CHST9: variants seen among roughly 807,000 people sequenced by gnomAD.
CHST9 encodes the protein carbohydrate sulfotransferase 9.
In CHST9, 41 loss-of-function variants were observed where a neutral mutation model predicts 44.4. That is an observed-to-expected ratio of 0.92 (90% CI 0.72 to 1.20). CHST9 has a LOEUF of 1.20. Among genes scored for constraint, CHST9 ranks in the 50% most tolerant of loss-of-function variants. The pLI is 0.00. For missense variants in CHST9, 504 were observed against 516.5 expected (o/e 0.98, Z 0.23); for synonymous variants, 171 against 178.4 (o/e 0.96, Z 0.33).
rs2055474250 is a variant in CHST9, at chr18:26,913,807, GC to G, written c.*2451del. ...AGGTGAATGTGAGCTGGTCTGCAAG[GC>G]CAAATAAGTCAGGAGAGAAAAATGG... On this transcript the variant is annotated 3_prime_UTR_variant, in exon 6 of 6. Transcript: ENST00000618847. 6.6e-6 allele frequency: 1 copy of G among 152,152 alleles called. No homozygotes were observed. The highest frequency in any genetic ancestry group is 1.5e-5 in the Non-Finnish European group (1 of 68,022). 9.4% of individuals were successfully genotyped at this position (152,152 alleles called of 1,614,324 possible). A position where few individuals can be genotyped will look rare whatever the true frequency, so the allele number is the denominator to read the frequency against.
chr18:27,142,593 G>A (rs2058576783), intron 2 of CHST9, 96 bp downstream of exon 2: 2 of 853,056 alleles, frequency 2.3e-6, no homozygotes, highest in Non-Finnish European at 3.2e-6. Flanking sequence ...TGAAAATATT[G>A]TGATTCTCAA....
chr18:27,123,243 T>A (rs1210476546), intron 2 of CHST9, among the ~76,000 whole-genome samples: 1 of 152,180 alleles, frequency 6.6e-6, no homozygotes, highest in African/African-American at 2.4e-5. Context: ...GAGATGGAGC[T>A]AAGCTGAAAC....
chr18:27,019,419 T>A (rs1471492715), intron 4 of CHST9, among the ~76,000 whole-genome samples: 1 of 152,180 alleles, frequency 6.6e-6, no homozygotes, highest in Non-Finnish European at 1.5e-5. Context: ...ATATTCTTCA[T>A]GAAATTCCAA....
chr18:27,053,139 A>AGAG (rs199883206), intron 2 of CHST9, among the ~76,000 whole-genome samples: 5,188 of 112,032 alleles, frequency 0.046, 259 homozygotes, highest in Non-Finnish European at 0.064. Context: ...AGGAAGAAGA[A>AGAG]GAAGAAGAAG....
At chr18:27,122,130 A>C (rs940253571) in intron 2 of CHST9, among the ~76,000 whole-genome samples, 3 of 152,222 alleles carry the variant, frequency 2.0e-5, no homozygotes, top group African/African-American at 7.2e-5. Flanking sequence ...TTGTATTATA[A>C]TTACGGAAGA....
At chr18:27,037,370 C>T (rs1222129430) in intron 3 of CHST9, among the ~76,000 whole-genome samples, 2 of 152,036 alleles carry the variant, frequency 1.3e-5, no homozygotes, top group Non-Finnish European at 2.9e-5. Context: ...GTGTTTATAC[C>T]GGGCACAACT....
intron 2 of CHST9, among the ~76,000 whole-genome samples, chr18:27,111,298 C>T (rs145050679): frequency 6.6e-6 from 1 of 152,316 alleles, no homozygotes; most frequent in African/African-American, 2.4e-5. Flanking sequence ...ATTTAATCAC[C>T]ACTTTTCAGA....
intron 5 of CHST9, among the ~76,000 whole-genome samples, chr18:26,922,676 C>A (rs2055681230): frequency 6.6e-6 from 1 of 151,990 alleles, no homozygotes; most frequent in Non-Finnish European, 1.5e-5. Context: ...TGTTCTGTTG[C>A]CCAGGCTGGA....
chr18:27,129,530 T>A (rs1406769444), intron 2 of CHST9, among the ~76,000 whole-genome samples: 1 of 152,066 alleles, frequency 6.6e-6, no homozygotes. Context: ...GTAGATGGGA[T>A]TACAGATGTG....
chr18:27,005,117 A>G (rs1026430821), intron 4 of CHST9, among the ~76,000 whole-genome samples: 19 of 152,226 alleles, frequency 1.2e-4, no homozygotes, highest in Admixed American at 1.2e-3. Context: ...ACACTGCAAG[A>G]ATAAATGTTA....
intron 4 of CHST9, among the ~76,000 whole-genome samples, chr18:27,000,622 G>GTCTATCTACCTATCTA (rs1555675551): frequency 0.039 from 5,751 of 147,586 alleles, 305 homozygotes; most frequent in African/African-American, 0.12. Flanking sequence ...TATTTGTTTT[G>GTCTATCTACCTATCTA]TCTATCTATC....
chr18:27,013,971 T>A (rs1353166799), intron 4 of CHST9, among the ~76,000 whole-genome samples: 1 of 152,210 alleles, frequency 6.6e-6, no homozygotes, highest in Non-Finnish European at 1.5e-5. Context: ...AAAATTTAAG[T>A]TCAATTGTAT....
rs2057532099 is a variant in CHST9, at chr18:27,048,631, A to G, written c.122-128T>C. On this transcript the variant is annotated intron_variant, in intron 2 of 5. Transcript: ENST00000618847. Reference sequence around the variant, plus strand: ...CTTCAGCCATGTCCAGTGTGCTCCTAGAGATGACTGGGCTCAGCTGACAGG... The same window carrying G: ...CTTCAGCCATGTCCAGTGTGCTCCTGGAGATGACTGGGCTCAGCTGACAGG... 7.6e-6 allele frequency: 5 copies of G among 654,938 alleles called. No homozygotes were observed. The East Asian group carries it at 1.5e-4, about 20-fold the overall frequency. The allele number at this position is 654,938 out of a possible 1,614,324, so 40.6% of individuals were successfully genotyped here. A position where few individuals can be genotyped will look rare whatever the true frequency, so the allele number is the denominator to read the frequency against.
chr18:27,074,844 T>C (rs894923724), intron 2 of CHST9, among the ~76,000 whole-genome samples: 1 of 148,010 alleles, frequency 6.8e-6, no homozygotes. Flanking sequence ...ATTATAATTA[T>C]ATAAATATAT....
chr18:27,141,616 A>AAAAAAAAAAAAAAAAAAAAAAAAAAAAAC (rs2058567379), intron 2 of CHST9, among the ~76,000 whole-genome samples: 1 of 135,504 alleles, frequency 7.4e-6, no homozygotes, highest in East Asian at 2.2e-4. Context: ...AAAAAAAAAA[A>AAAAAAAAAAAAAAAAAAAAAAAAAAAAAC]GTAGGAGGAT....
intron 4 of CHST9, among the ~76,000 whole-genome samples, chr18:26,948,358 T>C (rs1447033509): frequency 6.6e-6 from 1 of 152,078 alleles, no homozygotes; most frequent in African/African-American, 2.4e-5. Flanking sequence ...AACAAACCTG[T>C]GTGTTCTGCA....
At chr18:27,064,392 C>A in intron 2 of CHST9, among the ~76,000 whole-genome samples, 1 of 152,060 alleles carries the variant, frequency 6.6e-6, no homozygotes, top group East Asian at 1.9e-4. Context: ...ATGATTAATA[C>A]AAGCAGAGCA....
intron 2 of CHST9, among the ~76,000 whole-genome samples, chr18:27,073,532 G>A (rs2057865363): frequency 6.6e-6 from 1 of 151,978 alleles, no homozygotes; most frequent in East Asian, 1.9e-4. Context: ...TATATAGTCA[G>A]GAATGGGTAA....
intron 2 of CHST9, among the ~76,000 whole-genome samples, chr18:27,103,722 T>C (rs1192621183): frequency 1.3e-5 from 2 of 152,198 alleles, no homozygotes; most frequent in Non-Finnish European, 2.9e-5. Flanking sequence ...CCAAGTGGCC[T>C]TTTGTGGCAT....
Sources: allele counts gnomAD v4.1 joint callset (sites outside exome capture counted in the v4.1 genomes callset), GRCh38; gene constraint gnomAD v4.1.1; transcripts MANE v1.5; gene names NCBI Gene and HGNC (gene_info 2026-07-23, HGNC 2026-07-21).